The following ENTREP2 variants were observed in gnomAD, a reference collection of about 807,000 sequenced individuals.
ENTREP2 encodes the protein endosomal transmembrane epsin interactor 2.
chr15:29,189,784 T>C, the ENTREP2 span, among the ~76,000 whole-genome samples: 1 of 152,192 alleles, frequency 6.6e-6, no homozygotes, highest in Non-Finnish European at 1.5e-5. Context: ...GTCACAGTCT[T>C]GCGCTGGGTT....
the ENTREP2 span, among the ~76,000 whole-genome samples, chr15:29,665,932 C>T: frequency 6.7e-6 from 1 of 149,154 alleles, no homozygotes. Flanking sequence ...TGGCTCACTA[C>T]AACCTTCGCC....
the ENTREP2 span, among the ~76,000 whole-genome samples, chr15:29,572,315 C>T: frequency 1.3e-5 from 2 of 152,196 alleles, no homozygotes; most frequent in Non-Finnish European, 2.9e-5. Flanking sequence ...AGCCTCTGGC[C>T]GGCATTGTTT....
the ENTREP2 span, among the ~76,000 whole-genome samples, chr15:29,487,236 T>C: frequency 1.3e-5 from 2 of 152,158 alleles, no homozygotes; most frequent in African/African-American, 2.4e-5. Flanking sequence ...GGTGGGAATG[T>C]AGACAGCCAT....
At chr15:29,233,692 G>C in the ENTREP2 span, 3 of 1,173,190 alleles carry the variant, frequency 2.6e-6, no homozygotes, top group Non-Finnish European at 2.6e-6. Flanking sequence ...ATCTCCTGTT[G>C]CACGCACTCT....
the ENTREP2 span, among the ~76,000 whole-genome samples, chr15:29,259,260 A>G: frequency 0.6 from 90,992 of 152,122 alleles, 27,235 homozygotes; most frequent in South Asian, 0.64. Context: ...AGGCATCATT[A>G]AGGAGGGAAG....
At chr15:29,363,804 C>T in the ENTREP2 span, among the ~76,000 whole-genome samples, 1 of 152,188 alleles carries the variant, frequency 6.6e-6, no homozygotes. Context: ...TATACTTATG[C>T]ATAAAGTAAG....
At chr15:29,590,762 C>A in the ENTREP2 span, among the ~76,000 whole-genome samples, 2 of 146,280 alleles carry the variant, frequency 1.4e-5, no homozygotes, top group East Asian at 2.1e-4. Context: ...GGAAATTTTA[C>A]ATGATTGATA....
At chr15:29,527,846 C>T in the ENTREP2 span, among the ~76,000 whole-genome samples, 1 of 152,116 alleles carries the variant, frequency 6.6e-6, no homozygotes, top group African/African-American at 2.4e-5. Flanking sequence ...AAGGATGCTT[C>T]AGCGGACCCC....
the ENTREP2 span, among the ~76,000 whole-genome samples, chr15:29,583,093 G>A: frequency 3.9e-5 from 6 of 151,940 alleles, no homozygotes; most frequent in Non-Finnish European, 7.4e-5. Context: ...GGGGGATCAC[G>A]GCAAAAAGAC....
chr15:29,554,037 G>C, the ENTREP2 span, among the ~76,000 whole-genome samples: 1 of 152,114 alleles, frequency 6.6e-6, no homozygotes, highest in Non-Finnish European at 1.5e-5. Context: ...GAAGGGGGCC[G>C]TGCACGGTGG....
the ENTREP2 span, among the ~76,000 whole-genome samples, chr15:29,523,587 T>TG: frequency 1.3e-5 from 2 of 148,322 alleles, no homozygotes; most frequent in East Asian, 3.9e-4. Context: ...TTTTTTTTTT[T>TG]TTTGCAAAAA....
the ENTREP2 span, among the ~76,000 whole-genome samples, chr15:29,496,969 T>G: frequency 6.6e-6 from 1 of 152,206 alleles, no homozygotes; most frequent in African/African-American, 2.4e-5. Context: ...CCTCCAAAGT[T>G]AATGTGTTAG....
At chr15:29,572,070 T>C in the ENTREP2 span, among the ~76,000 whole-genome samples, 1 of 152,216 alleles carries the variant, frequency 6.6e-6, no homozygotes, top group Non-Finnish European at 1.5e-5. Flanking sequence ...GAGATATTGA[T>C]TCCTTTGGGG....
the ENTREP2 span, among the ~76,000 whole-genome samples, chr15:29,543,242 G>T: frequency 1.2e-4 from 18 of 152,254 alleles, no homozygotes; most frequent in African/African-American, 4.3e-4. Flanking sequence ...CGTACACAGA[G>T]GACTCCTATG....
the ENTREP2 span, among the ~76,000 whole-genome samples, chr15:29,468,695 G>GA: frequency 6.6e-6 from 1 of 151,226 alleles, no homozygotes; most frequent in African/African-American, 2.4e-5. Context: ...AATAGTGTCT[G>GA]AAGTTGCTTT....
At chr15:29,638,870 G>A in the ENTREP2 span, among the ~76,000 whole-genome samples, 1 of 152,194 alleles carries the variant, frequency 6.6e-6, no homozygotes, top group Non-Finnish European at 1.5e-5. Context: ...TGGAGCAGTG[G>A]ACAGCCCAAT....
At chr15:29,306,294 G>C in the ENTREP2 span, among the ~76,000 whole-genome samples, 3 of 152,168 alleles carry the variant, frequency 2.0e-5, no homozygotes, top group East Asian at 1.9e-4. Context: ...AGGATCCTTG[G>C]GGGGGATGAG....
At chr15:29,314,832 G>A in the ENTREP2 span, among the ~76,000 whole-genome samples, 5 of 152,010 alleles carry the variant, frequency 3.3e-5, no homozygotes, top group South Asian at 4.2e-4. Flanking sequence ...CGGGTGGATC[G>A]CTTGAGCTCA....
chr15:29,439,336 C>A, the ENTREP2 span, among the ~76,000 whole-genome samples: 2 of 142,818 alleles, frequency 1.4e-5, no homozygotes, highest in Non-Finnish European at 3.1e-5. Flanking sequence ...CACACACAAA[C>A]AGTAGAGGGT....
Sources: gnomAD v4.1 joint callset for allele counts (sites outside exome capture counted in the v4.1 genomes callset) on GRCh38, gnomAD v4.1.1 for gene constraint, MANE v1.5 for transcripts, NCBI Gene and HGNC (gene_info 2026-07-23, HGNC 2026-07-21) for gene names.